The following GRID2 variants were observed in gnomAD, a reference collection of about 807,000 sequenced individuals.
GRID2 encodes the protein glutamate ionotropic receptor delta type subunit 2, also known as glutamate receptor ionotropic, delta-2.
Under a neutral mutation model 114.8 loss-of-function variants are expected in GRID2, and 33 were observed. The observed-to-expected ratio is 0.29, with a 90% CI of 0.22 to 0.38. The LOEUF is 0.38. Among genes scored for constraint, GRID2 ranks in the 10% least tolerant of loss-of-function variants. The probability of loss-of-function intolerance (pLI) is 1.00; values close to 1 mark genes in which losing one functional copy is unlikely to be tolerated. For missense variants in GRID2, 1,184 were observed against 1,257.7 expected, an observed-to-expected ratio of 0.94 and a Z score of 0.89; for synonymous variants, 505 against 449.9, an observed-to-expected ratio of 1.12 and a Z score of -1.55.
intron 5 of GRID2, among the ~76,000 whole-genome samples, chr4:93,209,271 C>A (rs1743173781): frequency 6.6e-6 from 1 of 151,914 alleles, no homozygotes; most frequent in Non-Finnish European, 1.5e-5. Flanking sequence ...TTCAGTAGAC[C>A]CCGAAGTGTG....
intron 2 of GRID2, among the ~76,000 whole-genome samples, chr4:92,593,907 C>T (rs1265147584): frequency 2.1e-5 from 3 of 142,328 alleles, no homozygotes; most frequent in Non-Finnish European, 3.0e-5. Context: ...TAGTGTTCTC[C>T]GTAAAAAGAT....
At chr4:93,103,840 GTTT>G (rs35621225) in intron 3 of GRID2, among the ~76,000 whole-genome samples, 1 of 142,452 alleles carries the variant, frequency 7.0e-6, no homozygotes, top group African/African-American at 2.6e-5. Flanking sequence ...AAAATCCCTT[GTTT>G]TTTTTTTTTG....
At chr4:93,744,476 T>G (rs1460888472) in intron 14 of GRID2, among the ~76,000 whole-genome samples, 1 of 152,140 alleles carries the variant, frequency 6.6e-6, no homozygotes, top group African/African-American at 2.4e-5. Context: ...AGTTTAAGAC[T>G]TTATTGGAGG....
At chr4:93,066,548 T>C (rs983728245) in intron 2 of GRID2, among the ~76,000 whole-genome samples, 18 of 151,998 alleles carry the variant, frequency 1.2e-4, no homozygotes, top group African/African-American at 3.9e-4. Context: ...AGACTTCTGG[T>C]AGACGACTGA....
intron 11 of GRID2, among the ~76,000 whole-genome samples, chr4:93,485,925 C>A (rs1726347208): frequency 6.6e-6 from 1 of 151,594 alleles, no homozygotes; most frequent in African/African-American, 2.4e-5. Context: ...TGGGAATTCA[C>A]TGACTGAATC....
chr4:93,595,210 T>A (rs1382561130), intron 13 of GRID2, among the ~76,000 whole-genome samples: 1 of 152,252 alleles, frequency 6.6e-6, no homozygotes, highest in African/African-American at 2.4e-5. Context: ...CTTTCTTCAA[T>A]GTCGATTGTT....
At chr4:92,905,584 C>G (rs1747886076) in intron 2 of GRID2, among the ~76,000 whole-genome samples, 1 of 151,954 alleles carries the variant, frequency 6.6e-6, no homozygotes, top group African/African-American at 2.4e-5. Flanking sequence ...TATTTACCAG[C>G]TATTGATGGC....
chr4:92,556,791 C>T (rs1726870112), intron 1 of GRID2, among the ~76,000 whole-genome samples: 1 of 152,088 alleles, frequency 6.6e-6, no homozygotes, highest in African/African-American at 2.4e-5. Flanking sequence ...AACAGCCTCT[C>T]TAGTTAGTAT....
chr4:92,485,301 CAT>C (rs34583484), intron 1 of GRID2, among the ~76,000 whole-genome samples: 4,471 of 56,018 alleles, frequency 0.08, 119 homozygotes, highest in African/African-American at 0.11. Flanking sequence ...AAGGTGTGTG[CAT>C]ATATATATAT....
chr4:92,916,709 C>T (rs1466792389), intron 2 of GRID2, among the ~76,000 whole-genome samples: 2 of 152,144 alleles, frequency 1.3e-5, no homozygotes, highest in Non-Finnish European at 2.9e-5. Flanking sequence ...TTTATAGCTG[C>T]ATAGTATTCC....
intron 4 of GRID2, among the ~76,000 whole-genome samples, chr4:93,190,547 C>T (rs1740882017): frequency 6.6e-6 from 1 of 152,116 alleles, no homozygotes; most frequent in South Asian, 2.1e-4. Flanking sequence ...CAACTCTCAA[C>T]CCTAAAAATG....
At chr4:92,484,807 T>C (rs1247401902) in intron 1 of GRID2, among the ~76,000 whole-genome samples, 1 of 151,894 alleles carries the variant, frequency 6.6e-6, no homozygotes, top group Non-Finnish European at 1.5e-5. Context: ...ATATATTTGA[T>C]CTAAATCTCA....
chr4:92,497,501 G>C (rs571634691), intron 1 of GRID2, among the ~76,000 whole-genome samples: 1 of 151,762 alleles, frequency 6.6e-6, no homozygotes, highest in South Asian at 2.1e-4. Context: ...TAGTATATTA[G>C]CCTATAATTT....
At chr4:92,421,236 C>A (rs577873027) in intron 1 of GRID2, among the ~76,000 whole-genome samples, 1 of 151,738 alleles carries the variant, frequency 6.6e-6, no homozygotes, top group Non-Finnish European at 1.5e-5. Flanking sequence ...AAGATCTGTA[C>A]GGACTGTTTT....
At chr4:93,369,057 G>C (rs1042477332) in intron 8 of GRID2, among the ~76,000 whole-genome samples, 2 of 152,084 alleles carry the variant, frequency 1.3e-5, no homozygotes, top group Admixed American at 6.6e-5. Flanking sequence ...AAACTGATTG[G>C]CTTAAAACAA....
At chr4:93,469,694 T>TAGGAA (rs1724621811) in intron 11 of GRID2, among the ~76,000 whole-genome samples, 1 of 152,028 alleles carries the variant, frequency 6.6e-6, no homozygotes, top group African/African-American at 2.4e-5. Context: ...AGACACTAGG[T>TAGGAA]TCAACCACAG....
chr4:92,947,179 A>C (rs1227104110), intron 2 of GRID2, among the ~76,000 whole-genome samples: 1 of 152,036 alleles, frequency 6.6e-6, no homozygotes, highest in Non-Finnish European at 1.5e-5. Context: ...TGATCAAAGC[A>C]CACATAAGTT....
intron 2 of GRID2, among the ~76,000 whole-genome samples, chr4:92,648,838 A>G (rs1274107688): frequency 2.7e-5 from 4 of 148,096 alleles, no homozygotes; most frequent in Admixed American, 2.7e-4. Flanking sequence ...ATGATGATTC[A>G]TGATGCAAAG....
intron 8 of GRID2, among the ~76,000 whole-genome samples, chr4:93,304,257 A>AAT (rs10557964): frequency 0.052 from 7,420 of 142,884 alleles, 206 homozygotes; most frequent in South Asian, 0.081. Flanking sequence ...TAATATTTTA[A>AAT]ATATATATAT....
Sources: gnomAD v4.1 joint callset for allele counts (sites outside exome capture counted in the v4.1 genomes callset) on GRCh38, gnomAD v4.1.1 for gene constraint, MANE v1.5 for transcripts, NCBI Gene and HGNC (gene_info 2026-07-23, HGNC 2026-07-21) for gene names.